The following UBAP2 variants were observed in gnomAD, a reference collection of about 807,000 sequenced individuals.
The protein encoded by UBAP2 is ubiquitin-associated protein 2.
A neutral mutation model predicts 139.6 loss-of-function variants in UBAP2; 75 were observed. The ratio of observed to expected loss-of-function variants is 0.54; its 90% CI spans 0.45 to 0.65. The LOEUF (loss-of-function observed/expected upper bound fraction) is 0.65, where lower values mean the gene tolerates loss of function less well. Ranked by LOEUF, UBAP2 falls within the 30% of genes least tolerant of loss-of-function variation. The pLI is 0.00. For synonymous variants in UBAP2, 526 were observed against 526.2 expected, an observed-to-expected ratio of 1.00 and a Z score of 0.01; for missense variants, 1,368 against 1,369.6, an observed-to-expected ratio of 1.00 and a Z score of 0.02.
intron 6 of UBAP2, among the ~76,000 whole-genome samples, chr9:33,986,122 G>A (rs1015790434): frequency 4.7e-5 from 7 of 150,226 alleles, no homozygotes; most frequent in African/African-American, 1.7e-4. Flanking sequence ...AGGAGATCTC[G>A]GCTCACTGCA....
chr9:33,993,632 C>G (rs915217582), intron 4 of UBAP2, among the ~76,000 whole-genome samples: 2 of 152,222 alleles, frequency 1.3e-5, no homozygotes, highest in Non-Finnish European at 2.9e-5. Context: ...CACCACTGCA[C>G]TCTAGCCTGG....
At chr9:33,922,620 A>G (rs1036700769) in intron 28 of UBAP2, 21 bp from the exon 29 acceptor site, 38 of 1,608,472 alleles carry the variant, frequency 2.4e-5, no homozygotes, top group Non-Finnish European at 3.1e-5. Context: ...GGAGAAGGGA[A>G]GGCTGTCAAG....
At chr9:33,936,940 A>C (rs1824584715) in intron 16 of UBAP2, among the ~76,000 whole-genome samples, 2 of 150,836 alleles carry the variant, frequency 1.3e-5, no homozygotes, top group African/African-American at 2.4e-5. Context: ...AAAAAAAAAA[A>C]AAAAAAAAAA....
intron 1 of UBAP2, among the ~76,000 whole-genome samples, chr9:34,039,682 A>G (rs1243396531): frequency 6.6e-6 from 1 of 151,798 alleles, no homozygotes; most frequent in Non-Finnish European, 1.5e-5. Flanking sequence ...CCCTAATCTC[A>G]AGTACCCAGG....
chr9:34,012,654 T>C (rs1354847149), intron 2 of UBAP2, among the ~76,000 whole-genome samples: 2 of 152,038 alleles, frequency 1.3e-5, no homozygotes, highest in East Asian at 3.9e-4. Context: ...AACACTGAGG[T>C]ATTAAGTGAA....
chr9:33,990,299 A>G (rs567014350), intron 4 of UBAP2, among the ~76,000 whole-genome samples: 4 of 152,206 alleles, frequency 2.6e-5, no homozygotes, highest in Non-Finnish European at 5.9e-5. Context: ...TTGACATTAT[A>G]TATCCAAAGT....
Position 33,993,453 on chromosome 9 carries a change from G to A in UBAP2, c.288+2770C>T, listed in dbSNP as rs1043961908. Among the ~76,000 whole-genome samples, 25 of 152,104 alleles carry A rather than the reference G, an allele frequency of 1.6e-4. 1 individual carries two copies. The highest frequency in any genetic ancestry group is 1.3e-3 in the Admixed American group (20 of 15,248). On this transcript the variant is annotated intron_variant, in intron 4 of 28. Transcript: ENST00000379238. ...AGAGAGTGGTCCTCAACAAACCAGG[G>A]TTTCAAAGACTCCAGCCTGAGCAAC...
chr9:34,019,855 A>G (rs1253851323), intron 1 of UBAP2, among the ~76,000 whole-genome samples: 2 of 151,948 alleles, frequency 1.3e-5, no homozygotes, highest in African/African-American at 4.8e-5. Context: ...AGCTCCTAGA[A>G]CAAACAAAAC....
At chr9:34,013,350 G>A (rs1430792848) in intron 2 of UBAP2, among the ~76,000 whole-genome samples, 2 of 151,606 alleles carry the variant, frequency 1.3e-5, no homozygotes, top group African/African-American at 4.9e-5. Context: ...AGGAATTCAA[G>A]ACCAGCCTGA....
intron 2 of UBAP2, among the ~76,000 whole-genome samples, chr9:34,012,022 A>C (rs1470355645): frequency 6.6e-6 from 1 of 152,180 alleles, no homozygotes; most frequent in Non-Finnish European, 1.5e-5. Context: ...GCCTGTACTC[A>C]TTAATGTTCA....
intron 2 of UBAP2, among the ~76,000 whole-genome samples, chr9:34,010,240 A>G (rs1305280806): frequency 2.0e-5 from 3 of 150,374 alleles, no homozygotes; most frequent in Admixed American, 6.6e-5. Context: ...CCTGGCCAAC[A>G]TGGTGAAACC....
chr9:34,046,818 T>C (rs991303159), intron 1 of UBAP2, among the ~76,000 whole-genome samples: 2 of 152,160 alleles, frequency 1.3e-5, no homozygotes, highest in Admixed American at 1.3e-4. Flanking sequence ...CTACATGTTC[T>C]CACACCATCA....
chr9:34,035,526 T>TATATATATATATATATATATATATAA (rs1826287759), intron 1 of UBAP2, among the ~76,000 whole-genome samples: 1 of 77,472 alleles, frequency 1.3e-5, no homozygotes, highest in Non-Finnish European at 2.6e-5. Flanking sequence ...TATATATATA[T>TATATATATATATATATATATATATAA]AAAGATTAGC....
chr9:33,995,387 TAAATATAAATATATATATA>T (rs1564053407), intron 4 of UBAP2: 4 of 137,364 alleles, frequency 2.9e-5, no homozygotes, highest in Non-Finnish European at 6.1e-5. Context: ...ATATATATAT[TAAATATAAATATATATATA>T]AAGTATATAT....
intron 9 of UBAP2, 122 bp from the exon 10 acceptor site, chr9:33,961,000 G>T: frequency 2.4e-6 from 2 of 841,348 alleles, no homozygotes; most frequent in Non-Finnish European, 3.9e-6. Context: ...TAGCAATTTA[G>T]TTTACAACCC....
At chr9:33,995,462 ATAT>A (rs1189252348) in intron 4 of UBAP2, 2 of 138,152 alleles carry the variant, frequency 1.4e-5, no homozygotes, top group Admixed American at 1.6e-4. Flanking sequence ...TATATAATAT[ATAT>A]TAAATATATA....
chr9:33,939,535 C>CTT lies in UBAP2; in HGVS notation c.1929+2112_1929+2113dup, dbSNP rs556985916. Among the ~76,000 whole-genome samples the CTT allele has an allele frequency of 2.5e-3, 383 of 150,198 alleles. 1 individual carries two copies. Among genetic ancestry groups the CTT allele is most frequent in the Non-Finnish European group, 2.6e-3 (174 of 67,548 alleles). ...TTTAATGCTCTCAGCCATTTGTGTG[C>CTT]TTTATAAGACAAGATTCCTTGAGAC... On this transcript the variant is annotated intron_variant, in intron 16 of 28. Coordinates refer to ENST00000379238, the MANE Select transcript of UBAP2 (RefSeq NM_001370062.2).
chr9:33,992,545 G>A (rs897185052), intron 4 of UBAP2, among the ~76,000 whole-genome samples: 10 of 151,152 alleles, frequency 6.6e-5, no homozygotes, highest in African/African-American at 1.7e-4. Flanking sequence ...GGGTGACAGC[G>A]CAAGACTCCC....
In UBAP2 at chr9:33,937,631, G is replaced by A. The variant is rs558899992; in HGVS notation, c.1930-1753C>T. On this transcript the variant is annotated intron_variant, in intron 16 of 28. Transcript: ENST00000379238. ...AAAAAAAAAAAAAAAAATTAAGCTG[G>A]GCACAATGGCTCATGCCTGTAATCC... Among the ~76,000 whole-genome samples, 4 of 150,322 alleles carry A rather than the reference G, an allele frequency of 2.7e-5. No homozygotes were observed. In the South Asian group the frequency reaches 8.4e-4, roughly 32 times the overall value.
Sources: gnomAD v4.1 joint callset for allele counts (sites outside exome capture counted in the v4.1 genomes callset) on GRCh38, gnomAD v4.1.1 for gene constraint, MANE v1.5 for transcripts, NCBI Gene and HGNC (gene_info 2026-07-23, HGNC 2026-07-21) for gene names.